Variants in COL6A6 observed in about 807,000 individuals in gnomAD.
The protein encoded by COL6A6 is collagen alpha-6(VI) chain.
In COL6A6, 183 loss-of-function variants were observed where a neutral mutation model predicts 208.6. The observed-to-expected ratio is 0.88, with a 90% CI of 0.78 to 0.99. The LOEUF is 0.99. Among genes scored for constraint, COL6A6 ranks in the 50% least tolerant of loss-of-function variants. The pLI, the probability that COL6A6 is intolerant of heterozygous loss-of-function variation, is 0.00. For missense variants in COL6A6, 2,816 were observed against 2,815.2 expected, an observed-to-expected ratio of 1.00 and a Z score of -0.01; for synonymous variants, 973 against 1,011.8, an observed-to-expected ratio of 0.96 and a Z score of 0.73.
chr3:130,612,699 C>A (rs1218044363), intron 23 of COL6A6, among the ~76,000 whole-genome samples: 1 of 152,020 alleles, frequency 6.6e-6, no homozygotes, highest in Non-Finnish European at 1.5e-5. Flanking sequence ...GAGAATGAGG[C>A]CCCTCTGGTG....
At chr3:130,538,710 T>C (rs2062282579) in intron 1 of COL6A6, among the ~76,000 whole-genome samples, 1 of 152,234 alleles carries the variant, frequency 6.6e-6, no homozygotes, top group Non-Finnish European at 1.5e-5. Flanking sequence ...ACTACTAGCC[T>C]ACACAGCCTT....
intron 36 of COL6A6, 49 bp downstream of exon 36, chr3:130,665,145 T>C (rs750361756): frequency 3.1e-6 from 4 of 1,270,690 alleles, no homozygotes; most frequent in South Asian, 1.4e-5. Flanking sequence ...CCCCTGCCTT[T>C]CTTCTATTTT....
intron 26 of COL6A6, among the ~76,000 whole-genome samples, chr3:130,629,069 G>A (rs1225551898): frequency 1.8e-5 from 1 of 54,332 alleles, no homozygotes; most frequent in Non-Finnish European, 2.9e-5. Flanking sequence ...CGAGCTGAGA[G>A]AAGAAGGCTT....
rs768074036 is a variant in COL6A6 at position 130,571,021 on chromosome 3, A to T, written c.2605A>T (p.Lys869Ter). ...GTTTTATCTGGATGACTTTGGCACA[A>T]AACTGGAGGTAATTTCAGTGCTCCA... ...VLFYLDDFGT[K>*]LEVISVLQND... is the part of the protein sequence containing the mutation. Residue 869 changes from lysine (K) to a stop codon, truncating the protein, a stop_gained, in exon 7 of 37, where the codon AAA becomes TAA. Transcript: ENST00000358511. LOFTEE classifies it high-confidence loss of function. 3.1e-6 allele frequency: 5 copies of T among 1,613,956 alleles called. No individual in the cohort carries two copies. The highest frequency in any genetic ancestry group is 3.4e-6 in the Non-Finnish European group (4 of 1,179,864).
At chr3:130,594,884 A>C (rs570282581) in intron 18 of COL6A6, among the ~76,000 whole-genome samples, 29 of 152,186 alleles carry the variant, frequency 1.9e-4, no homozygotes, top group Non-Finnish European at 3.8e-4. Flanking sequence ...TCCATTTATA[A>C]AACCATCAGA....
At chr3:130,526,695 G>A (rs984987932) in intron 1 of COL6A6, among the ~76,000 whole-genome samples, 6 of 152,220 alleles carry the variant, frequency 3.9e-5, no homozygotes, top group African/African-American at 1.4e-4. Flanking sequence ...TGATGGATTG[G>A]CTCAGAAGTT....
chr3:130,549,563 T>G (rs1190073312), intron 1 of COL6A6, among the ~76,000 whole-genome samples: 2 of 152,212 alleles, frequency 1.3e-5, no homozygotes, highest in Non-Finnish European at 2.9e-5. Flanking sequence ...TGGATTGTTT[T>G]TTTTTGTATA....
chr3:130,658,833 G>A, intron 34 of COL6A6, 61 bp downstream of exon 34: 1 of 1,208,464 alleles, frequency 8.3e-7, no homozygotes, highest in Non-Finnish European at 1.2e-6. Flanking sequence ...AGTCACCACT[G>A]GCAGGGGCAA....
At chr3:130,641,797 A>G in intron 29 of COL6A6, 83 bp downstream of exon 29, 1 of 732,144 alleles carries the variant, frequency 1.4e-6, no homozygotes, top group Non-Finnish European at 2.2e-6. Context: ...CATTGTCCAA[A>G]TGTGCATGCC....
intron 24 of COL6A6, among the ~76,000 whole-genome samples, chr3:130,623,073 C>T (rs1482773521): frequency 6.6e-6 from 1 of 152,090 alleles, no homozygotes; most frequent in African/African-American, 2.4e-5. Flanking sequence ...ATTCAGTGGC[C>T]AGCACGGTGT....
At chr3:130,548,035 C>T (rs1275166331) in intron 1 of COL6A6, among the ~76,000 whole-genome samples, 4 of 152,188 alleles carry the variant, frequency 2.6e-5, no homozygotes, top group East Asian at 1.9e-4. Flanking sequence ...TCAGGTGATC[C>T]GCCTGCCTTG....
chr3:130,531,056 A>AGTCTCTCTCTCTCTCTCTCT lies in COL6A6; in HGVS notation c.-32+13659_-32+13660insGTCTCTCTCTCTCTCTCTCT, dbSNP rs1294781159. On this transcript the variant is annotated intron_variant, in intron 1 of 36. Coordinates refer to ENST00000358511, the MANE Select transcript of COL6A6 (RefSeq NM_001102608.3). Reference sequence around the variant, plus strand: ...CACACACAGACACACACACACACACACACAGTCTCTCTCTCTCTCTCTCTC... The same window carrying AGTCTCTCTCTCTCTCTCTCT: ...CACACACAGACACACACACACACACAGTCTCTCTCTCTCTCTCTCTCACAGTCTCTCTCTCTCTCTCTCTC... Among the ~76,000 whole-genome samples, 104 of 28,014 alleles carry AGTCTCTCTCTCTCTCTCTCT rather than the reference A, an allele frequency of 3.7e-3. 2 individuals are homozygous for AGTCTCTCTCTCTCTCTCTCT. The highest frequency in any genetic ancestry group is 7.4e-3 in the African/African-American group (98 of 13,326). 18.4% of individuals were successfully genotyped at this position (28,014 alleles called of 152,430 possible). A position where few individuals can be genotyped will look rare whatever the true frequency, so the allele number is the denominator to read the frequency against.
At chr3:130,642,796 A>T (rs939627039) in intron 29 of COL6A6, 36 bp from the exon 30 acceptor site, 9 of 1,603,894 alleles carry the variant, frequency 5.6e-6, no homozygotes, top group Non-Finnish European at 7.7e-6. Flanking sequence ...GTGTATGTCT[A>T]GAGGCATTAA....
intron 23 of COL6A6, among the ~76,000 whole-genome samples, 199 bp downstream of exon 23, chr3:130,610,910 T>A (rs987051827): frequency 6.6e-6 from 1 of 152,026 alleles, no homozygotes; most frequent in South Asian, 2.1e-4. Flanking sequence ...GACACAGAGG[T>A]AGAAAATCTA....
Position 130,618,780 on chromosome 3 carries a change from A to G in COL6A6, c.4816-3041A>G, listed in dbSNP as rs149212527. ...AGGTCCTGTATGTATCCAACCATCTACTCATCCAAGACATTTTTTATTTTG... is the reference window on the plus strand; with the variant it reads ...AGGTCCTGTATGTATCCAACCATCTGCTCATCCAAGACATTTTTTATTTTG... On this transcript the variant is annotated intron_variant, in intron 23 of 36. Transcript: ENST00000358511. 2.0e-5 allele frequency among the ~76,000 whole-genome samples: 3 copies of G among 152,192 alleles called. No individual in the cohort carries two copies. The East Asian group carries it at 5.8e-4, about 29-fold the overall frequency.
chr3:130,656,404 C>G (rs2065789927), intron 33 of COL6A6, among the ~76,000 whole-genome samples: 1 of 150,480 alleles, frequency 6.6e-6, no homozygotes, highest in Non-Finnish European at 1.5e-5. Flanking sequence ...TGATGAGTGT[C>G]TGGCTCTCAG....
At chr3:130,561,922 G>A (rs961833630) in intron 2 of COL6A6, among the ~76,000 whole-genome samples, 1 of 152,060 alleles carries the variant, frequency 6.6e-6, no homozygotes. Flanking sequence ...AAAGTGCTGG[G>A]ATTACAGGCG....
chr3:130,614,522 G>A (rs566562374), intron 23 of COL6A6, among the ~76,000 whole-genome samples: 51 of 152,174 alleles, frequency 3.4e-4, no homozygotes, highest in African/African-American at 9.4e-4. Context: ...TGCTGGCCTC[G>A]TAGAATGAGT....
intron 1 of COL6A6, among the ~76,000 whole-genome samples, chr3:130,548,047 C>T (rs2062559448): frequency 6.6e-6 from 1 of 152,246 alleles, no homozygotes; most frequent in Non-Finnish European, 1.5e-5. Flanking sequence ...CCTGCCTTGG[C>T]CTCCCAAAGT....
Sources: gnomAD v4.1 joint callset for allele counts (sites outside exome capture counted in the v4.1 genomes callset) on GRCh38, gnomAD v4.1.1 for gene constraint, MANE v1.5 for transcripts, NCBI Gene and HGNC (gene_info 2026-07-23, HGNC 2026-07-21) for gene names.